The following MAP3K19 variants were observed in gnomAD, a reference collection of about 807,000 sequenced individuals.
The protein encoded by MAP3K19 is mitogen-activated protein kinase kinase kinase 19, also known as SPS1/STE20-related protein kinase YSK4.
A neutral mutation model predicts 114.4 loss-of-function variants in MAP3K19; 91 were observed. The ratio of observed to expected loss-of-function variants is 0.80; its 90% CI spans 0.67 to 0.95. The LOEUF (loss-of-function observed/expected upper bound fraction) is 0.95. Ranked by LOEUF, MAP3K19 falls within the 40% of genes least tolerant of loss-of-function variation. MAP3K19 has a pLI of 0.00. For synonymous variants in MAP3K19, 518 were observed against 530.5 expected (o/e 0.98, Z 0.32); for missense variants, 1,471 against 1,573.2 (o/e 0.94, Z 1.10).
chr2:134,997,576 T>C (rs1361206982), intron 8 of MAP3K19, among the ~76,000 whole-genome samples: 2 of 152,128 alleles, frequency 1.3e-5, no homozygotes, highest in Admixed American at 1.3e-4. Flanking sequence ...ATCCCAGCAC[T>C]GTGGGAGGCC....
chr2:135,010,317 G>C (rs770923398), intron 5 of MAP3K19, among the ~76,000 whole-genome samples: 1 of 152,210 alleles, frequency 6.6e-6, no homozygotes, highest in South Asian at 2.1e-4. Flanking sequence ...GATGACGGAA[G>C]TGAAGACTCA....
At chr2:135,031,872 T>C (rs1055331356) in intron 2 of MAP3K19, among the ~76,000 whole-genome samples, 10 of 152,196 alleles carry the variant, frequency 6.6e-5, no homozygotes, top group African/African-American at 2.4e-4. Flanking sequence ...CTGTCTTCAG[T>C]GTACTTTTAT....
intron 1 of MAP3K19, among the ~76,000 whole-genome samples, chr2:135,044,216 T>C (rs1688696157): frequency 6.6e-6 from 1 of 152,196 alleles, no homozygotes; most frequent in African/African-American, 2.4e-5. Flanking sequence ...ATTATCCCTA[T>C]TCTATAGATG....
chr2:135,024,170 C>A (rs1574045669), intron 4 of MAP3K19, among the ~76,000 whole-genome samples: 1 of 152,194 alleles, frequency 6.6e-6, no homozygotes, highest in Non-Finnish European at 1.5e-5. Flanking sequence ...GCCCCCGAAG[C>A]TTCAAACAGA....
intron 2 of MAP3K19, among the ~76,000 whole-genome samples, chr2:135,039,443 A>G (rs1013196055): frequency 1.3e-5 from 2 of 151,016 alleles, no homozygotes; most frequent in Admixed American, 6.6e-5. Flanking sequence ...TTAGCCGGGC[A>G]TGGTGGTATG....
intron 12 of MAP3K19, among the ~76,000 whole-genome samples, chr2:134,968,980 T>C (rs556521163): frequency 4.9e-4 from 75 of 152,146 alleles, no homozygotes; most frequent in Non-Finnish European, 8.4e-4. Context: ...TCTGGGCATT[T>C]TGGGAGGCCA....
At chr2:134,973,142 CTG>C (rs1683990326) in intron 12 of MAP3K19, among the ~76,000 whole-genome samples, 1 of 152,154 alleles carries the variant, frequency 6.6e-6, no homozygotes, top group Non-Finnish European at 1.5e-5. Flanking sequence ...TCTGTTGTGT[CTG>C]TTTGGTTTAA....
chr2:134,981,594 G>T, intron 11 of MAP3K19, 76 bp from the exon 12 acceptor site: 2 of 1,111,954 alleles, frequency 1.8e-6, no homozygotes, highest in Non-Finnish European at 2.6e-6. Context: ...GGTGACACTT[G>T]ACTTTCCCTT....
At chr2:134,977,513 C>T (rs1684326417) in intron 12 of MAP3K19, among the ~76,000 whole-genome samples, 1 of 151,888 alleles carries the variant, frequency 6.6e-6, no homozygotes, top group African/African-American at 2.4e-5. Flanking sequence ...CAGGTGCCTG[C>T]CACCACACCC....
At chr2:135,030,269 C>G (rs1688349752) in intron 3 of MAP3K19, 43 bp downstream of exon 3, 1 of 152,484 alleles carries the variant, frequency 6.6e-6, no homozygotes, top group African/African-American at 2.4e-5. Flanking sequence ...CCCTTTTCAC[C>G]ATCCACTCAC....
chr2:135,040,079 C>T (rs1350208754), intron 2 of MAP3K19, among the ~76,000 whole-genome samples: 1 of 152,194 alleles, frequency 6.6e-6, no homozygotes, highest in Non-Finnish European at 1.5e-5. Context: ...CGCCATTAGA[C>T]CATTAGCTCC....
Position 134,988,080 on chromosome 2 carries a change from A to T in MAP3K19, c.792T>A (p.Pro264=), listed in dbSNP as rs1285959798. 4 of 1,613,856 alleles carry T rather than the reference A, an allele frequency of 2.5e-6. No homozygotes were observed. Among genetic ancestry groups the T allele is most frequent in the Admixed American group, 1.7e-5 (1 of 59,994 alleles). ...TCAACGACTTAACTAGGGCTCCCGGAGGCTCGTTTGATGGGCTGAGCTCAT... is the reference window on the plus strand; with the variant it reads ...TCAACGACTTAACTAGGGCTCCCGGTGGCTCGTTTGATGGGCTGAGCTCAT... ...QSDELSPSNE[P]PGALVKSLMD... is the part of the protein sequence containing the mutation. Residue 264 remains proline, a synonymous_variant, in exon 10 of 13, where the codon CCT becomes CCA. Transcript: ENST00000392915.
intron 12 of MAP3K19, among the ~76,000 whole-genome samples, chr2:134,966,073 T>C (rs1231931983): frequency 6.6e-6 from 1 of 152,244 alleles, no homozygotes; most frequent in Middle Eastern, 3.2e-3. Context: ...ATTTTTTTTA[T>C]GGCTGAGTAG....
chr2:134,997,854 T>G (rs1413425577), intron 8 of MAP3K19, among the ~76,000 whole-genome samples: 1 of 143,850 alleles, frequency 7.0e-6, no homozygotes, highest in East Asian at 2.1e-4. Flanking sequence ...TTCATTTAAA[T>G]TTCACTTAAA....
chr2:135,027,970 G>T (rs1214984141), intron 3 of MAP3K19, among the ~76,000 whole-genome samples: 1 of 152,030 alleles, frequency 6.6e-6, no homozygotes, highest in Non-Finnish European at 1.5e-5. Context: ...ATAAATTGAG[G>T]GTATCCAGTT....
chr2:135,010,178 G>GA (rs1247527081), intron 5 of MAP3K19, among the ~76,000 whole-genome samples: 3 of 151,178 alleles, frequency 2.0e-5, no homozygotes, highest in African/African-American at 4.9e-5. Context: ...GTTTTGCATA[G>GA]AAAAAATAAT....
chr2:135,012,352 C>G (rs1687290979), intron 5 of MAP3K19, among the ~76,000 whole-genome samples: 1 of 152,042 alleles, frequency 6.6e-6, no homozygotes, highest in South Asian at 2.1e-4. Context: ...GGAATCACTC[C>G]CTTGTTGGGA....
intron 9 of MAP3K19, among the ~76,000 whole-genome samples, chr2:134,989,538 C>T: frequency 6.6e-6 from 1 of 152,150 alleles, no homozygotes; most frequent in East Asian, 1.9e-4. Flanking sequence ...TCATCCAGTG[C>T]TTAACCATCT....
chr2:135,017,088 T>G (rs1172191718), intron 5 of MAP3K19, among the ~76,000 whole-genome samples: 1 of 152,222 alleles, frequency 6.6e-6, no homozygotes, highest in Non-Finnish European at 1.5e-5. Flanking sequence ...CTTTTCATAT[T>G]GGAGGCTTTC....
Sources: allele counts gnomAD v4.1 joint callset (sites outside exome capture counted in the v4.1 genomes callset), GRCh38; gene constraint gnomAD v4.1.1; transcripts MANE v1.5; gene names NCBI Gene and HGNC (gene_info 2026-07-23, HGNC 2026-07-21).